USP7: variants seen among roughly 807,000 people sequenced by gnomAD.
The protein encoded by USP7 is ubiquitin specific peptidase 7.
USP7 carries 9 observed loss-of-function variants against 162.9 expected under a neutral mutation model. The observed-to-expected ratio is 0.06, with a 90% confidence interval of 0.03 to 0.10. The LOEUF is 0.10. Ranked by LOEUF, USP7 falls within the 10% of genes least tolerant of loss-of-function variation. The probability of loss-of-function intolerance (pLI) is 1.00; values close to 1 mark genes in which losing one functional copy is unlikely to be tolerated. For missense variants in USP7, 715 were observed against 1,373.7 expected (o/e 0.52, Z 7.58); for synonymous variants, 562 against 475.9 (o/e 1.18, Z -2.35).
At chr16:8,941,733 G>A (rs868090055) in intron 1 of USP7, among the ~76,000 whole-genome samples, 1 of 152,174 alleles carries the variant, frequency 6.6e-6, no homozygotes, top group Non-Finnish European at 1.5e-5. Flanking sequence ...TGTGTTGGGT[G>A]GTGCGTGCTG....
At chr16:8,916,932 T>C (rs1897402793) in intron 7 of USP7, 94 bp downstream of exon 7, 3 of 1,390,084 alleles carry the variant, frequency 2.2e-6, no homozygotes, top group Non-Finnish European at 2.8e-6. Context: ...GCCTACAGTA[T>C]GCTCTACTAA....
At chr16:8,943,123 C>G (rs1899123927) in intron 1 of USP7, among the ~76,000 whole-genome samples, 2 of 152,108 alleles carry the variant, frequency 1.3e-5, no homozygotes, top group Non-Finnish European at 2.9e-5. Context: ...CCAAAGAAGG[C>G]CACATATAAT....
chr16:8,900,441 G>T, intron 21 of USP7, 89 bp downstream of exon 21: 1 of 926,014 alleles, frequency 1.1e-6, no homozygotes, highest in African/African-American at 1.7e-5. Context: ...ACGTGGCTCG[G>T]GATCTAGGTA....
chr16:8,942,936 C>T (rs1899112419), intron 1 of USP7, among the ~76,000 whole-genome samples: 1 of 152,182 alleles, frequency 6.6e-6, no homozygotes, highest in Admixed American at 6.5e-5. Flanking sequence ...CAGTCCTGTC[C>T]TACTAAGCTA....
In USP7 at chr16:8,892,560, T is replaced by C. The variant is rs930169623; in HGVS notation, c.*1438A>G. The C allele has an allele frequency of 4.1e-5, 6 of 146,956 alleles. No individual in the cohort carries two copies. The South Asian group carries it at 6.4e-4, about 16-fold the overall frequency. 9.1% of individuals were successfully genotyped at this position (146,956 alleles called of 1,614,324 possible). A position where few individuals can be genotyped will look rare whatever the true frequency, so the allele number is the denominator to read the frequency against. On this transcript the variant is annotated 3_prime_UTR_variant, in exon 31 of 31. Coordinates refer to ENST00000344836, the MANE Select transcript of USP7 (RefSeq NM_003470.3). ...ACCTTATTTGTACACAGTTCTCTCC[T>C]GGAAAACCTTTCATTTCTTAAGAGT...
intron 6 of USP7, among the ~76,000 whole-genome samples, chr16:8,918,171 G>A (rs9937632): frequency 0.99 from 150,642 of 152,286 alleles, 74,529 homozygotes; most frequent in East Asian, 1. Flanking sequence ...AATTACCCAT[G>A]CTGAGCTGTC....
At chr16:8,935,111 G>C (rs1242047533) in intron 1 of USP7, among the ~76,000 whole-genome samples, 3 of 152,102 alleles carry the variant, frequency 2.0e-5, no homozygotes, top group African/African-American at 7.2e-5. Context: ...CCATGTAAGA[G>C]TGATGTAATA....
At chr16:8,950,582 T>A (rs1209935119) in intron 1 of USP7, among the ~76,000 whole-genome samples, 1 of 152,278 alleles carries the variant, frequency 6.6e-6, no homozygotes, top group Non-Finnish European at 1.5e-5. Context: ...CAGCAGCACA[T>A]TTCCCACAGG....
intron 6 of USP7, 59 bp downstream of exon 6, chr16:8,918,972 A>AT: frequency 6.4e-7 from 1 of 1,567,752 alleles, no homozygotes; most frequent in Non-Finnish European, 8.8e-7. Flanking sequence ...CTTTGCTCTG[A>AT]TATACCTGAG....
At chr16:8,912,268 A>G (rs868109783) in intron 10 of USP7, among the ~76,000 whole-genome samples, 12 of 152,166 alleles carry the variant, frequency 7.9e-5, no homozygotes, top group Non-Finnish European at 1.5e-4. Context: ...CCTGGCCAAC[A>G]TGGTGAAACC....
chr16:8,937,213 T>A (rs147215511), intron 1 of USP7, among the ~76,000 whole-genome samples: 9,975 of 87,694 alleles, frequency 0.11, 400 homozygotes, highest in Middle Eastern at 0.22. Context: ...TGTCTTTTTT[T>A]AAAAAAAAAA....
At chr16:8,907,598 G>A (rs2061880732) in intron 12 of USP7, among the ~76,000 whole-genome samples, 1 of 152,206 alleles carries the variant, frequency 6.6e-6, no homozygotes, top group African/African-American at 2.4e-5. Context: ...GTTCACGCCA[G>A]TAATCCCAGC....
chr16:8,956,781 A>AAAC (rs558261831), intron 1 of USP7, among the ~76,000 whole-genome samples: 18 of 150,504 alleles, frequency 1.2e-4, no homozygotes, highest in Admixed American at 1.2e-3. Context: ...AAAAACAAAA[A>AAAC]AAAAAAAACA....
chr16:8,894,651 AAAAATT>A lies in USP7; in HGVS notation c.3112-17_3112-12del, dbSNP rs771297015. 1 of 1,612,826 alleles carries A rather than the reference AAAAATT, an allele frequency of 6.2e-7. No individual in the cohort carries two copies. Among genetic ancestry groups the A allele is most frequent in the South Asian group, 1.1e-5 (1 of 90,964 alleles). Reference sequence around the variant, plus strand: ...AATTGCAAATTTAAACTAAAAGAAAAAAAATTAAAACTCCTCCGTTATTTCTGTATA... The same window carrying A: ...AATTGCAAATTTAAACTAAAAGAAAAAAAACTCCTCCGTTATTTCTGTATA... On this transcript the variant is annotated splice_polypyrimidine_tract_variant and intron_variant, in intron 29 of 30. Transcript: ENST00000344836.
At chr16:8,927,271 G>A (rs1054878565) in intron 2 of USP7, among the ~76,000 whole-genome samples, 9 of 150,932 alleles carry the variant, frequency 6.0e-5, no homozygotes, top group African/African-American at 1.7e-4. Flanking sequence ...GAGGTGAACC[G>A]AGATTGCGCC....
Position 8,917,305 on chromosome 16 carries a change from T to C in USP7, c.721-149A>G, listed in dbSNP as rs962243993. 4.2e-6 allele frequency: 4 copies of C among 947,030 alleles called. No individual in the cohort carries two copies. In the African/African-American group the frequency reaches 6.8e-5, roughly 16 times the overall value. The allele number at this position is 947,030 out of a possible 1,614,324, so 58.7% of individuals were successfully genotyped here. ...GTTAGGGCTTTTAACGATCCCCAAA[T>C]TGGTGAGAAAGTTTACAAAATCATG... On this transcript the variant is annotated intron_variant, in intron 6 of 30. Coordinates refer to ENST00000344836, the MANE Select transcript of USP7 (RefSeq NM_003470.3).
chr16:8,914,072 A>G (rs937008780), intron 10 of USP7, among the ~76,000 whole-genome samples: 2 of 152,056 alleles, frequency 1.3e-5, no homozygotes, highest in African/African-American at 2.4e-5. Context: ...TAAAGGAATG[A>G]CTATAAATCA....
At chr16:8,926,488 A>G (rs1174419513) in intron 2 of USP7, among the ~76,000 whole-genome samples, 7 of 152,144 alleles carry the variant, frequency 4.6e-5, no homozygotes, top group African/African-American at 1.7e-4. Context: ...GTCTCCAAAA[A>G]AATTCAAGAT....
At position 8,897,062 on chromosome 16, in the gene USP7, C is replaced by T. The variant is rs918769098; in HGVS notation, c.2756G>A (p.Arg919Gln). 6.2e-7 allele frequency: 1 copy of T among 1,614,018 alleles called. No individual in the cohort carries two copies. Among genetic ancestry groups the T allele is most frequent in the Non-Finnish European group, 8.5e-7 (1 of 1,179,922 alleles). The change falls in exon 26 of 31, where the codon CGG becomes CAG. Residue 919 changes from arginine (R) to glutamine (Q), a missense_variant. Transcript: ENST00000344836. ...CTTTTTACATTCTTCTAACAGGTCC[C>T]GGACACACCCATGCTTGTCTGGATA... Reference protein sequence around the residue: ...TLYPDKHGCVRDLLEECKKAV... With the variant: ...TLYPDKHGCVQDLLEECKKAV...
Sources: allele counts gnomAD v4.1 joint callset (sites outside exome capture counted in the v4.1 genomes callset), GRCh38; gene constraint gnomAD v4.1.1; transcripts MANE v1.5; gene names NCBI Gene and HGNC (gene_info 2026-07-23, HGNC 2026-07-21).